The following NXF1 variants were observed in gnomAD, a reference collection of about 807,000 sequenced individuals.
NXF1 encodes nuclear RNA export factor 1.
A neutral mutation model predicts 92.4 loss-of-function variants in NXF1; 43 were observed. The ratio of observed to expected loss-of-function variants is 0.47; its 90% confidence interval spans 0.36 to 0.60. NXF1 has a LOEUF of 0.60. NXF1 is among the 20% of genes least tolerant of loss of function. The probability of loss-of-function intolerance (pLI) is 0.00; values close to 1 mark genes in which losing one functional copy is unlikely to be tolerated. For synonymous variants in NXF1, 288 were observed against 292.2 expected (o/e 0.99, Z 0.15); for missense variants, 576 against 793.0 (o/e 0.73, Z 3.29).
At chr11:62,800,103 T>C (rs2084462327) in intron 10 of NXF1, 2 of 1,297,382 alleles carry the variant, frequency 1.5e-6, no homozygotes, top group Non-Finnish European at 2.0e-6. Flanking sequence ...AACAACAGGG[T>C]AGGGAGATTC....
intron 10 of NXF1, chr11:62,799,627 G>A: frequency 1.0e-6 from 1 of 985,704 alleles, no homozygotes; most frequent in Non-Finnish European, 1.2e-6. Context: ...TGTGAGTGAG[G>A]GAGAGGCAGC....
Position 62,800,451 on chromosome 11 carries a change from C to T in NXF1, c.942G>A (p.Gly314=), listed in dbSNP as rs1354593381. 1.2e-6 allele frequency: 2 copies of T among 1,614,032 alleles called. No individual in the cohort carries two copies. Among genetic ancestry groups the T allele is most frequent in the South Asian group, 2.2e-5 (2 of 91,070 alleles). Reference sequence around the variant, plus strand: ...CGAGCCAGAGCTCTTCTAGCTTCAGCCCCTTTATCTTGTCCAATTCCCGCT... The same window carrying T: ...CGAGCCAGAGCTCTTCTAGCTTCAGTCCCTTTATCTTGTCCAATTCCCGCT... ...KSERELDKIK[G]LKLEELWLDG... is the part of the protein sequence containing the mutation. Residue 314 remains glycine (G), a synonymous_variant, in exon 10 of 21, where the codon GGG becomes GGA. Transcript: ENST00000294172.
intron 13 of NXF1, among the ~76,000 whole-genome samples, 177 bp from the exon 14 acceptor site, chr11:62,796,744 C>A (rs527431440): frequency 3.9e-5 from 6 of 152,024 alleles, no homozygotes; most frequent in Non-Finnish European, 7.4e-5. Context: ...CCAGCCTGGG[C>A]AACATGGCGA....
At position 62,805,309 on chromosome 11, in the gene NXF1, A is replaced by G; in HGVS notation, c.28+20T>C. 1 of 1,599,722 alleles carries G rather than the reference A, an allele frequency of 6.3e-7. No individual in the cohort carries two copies. On this transcript the variant is annotated intron_variant, in intron 1 of 20. Coordinates refer to ENST00000294172, the MANE Select transcript of NXF1 (RefSeq NM_006362.5). Reference sequence around the variant, plus strand: ...CCGCGCCCCAGATAGCCAGTTCCCGACCCGAAGACCAGCACTTACCGCTGT... The same window carrying G: ...CCGCGCCCCAGATAGCCAGTTCCCGGCCCGAAGACCAGCACTTACCGCTGT...
At chr11:62,805,121 G>A (rs1367424182) in intron 1 of NXF1, 2 of 406,532 alleles carry the variant, frequency 4.9e-6, no homozygotes, top group African/African-American at 2.1e-5. Flanking sequence ...CATCCGCTCC[G>A]AGCCGCAGGT....
At position 62,794,916 on chromosome 11, in the gene NXF1, C is replaced by T. The variant is rs746714258; in HGVS notation, c.1577+19G>A. ...CATGGATTAGGACTGGTATCCAATG[C>T]GAAAAGCAGAATACTTACCCTGAAT... On this transcript the variant is annotated intron_variant, in intron 18 of 20. Transcript: ENST00000294172. 1.1e-5 allele frequency: 17 copies of T among 1,612,006 alleles called. No homozygotes were observed. The East Asian group carries it at 1.3e-4, about 13-fold the overall frequency.
At chr11:62,794,914 T>C (rs566797529) in intron 18 of NXF1, 21 bp downstream of exon 18, 1 of 1,611,602 alleles carries the variant, frequency 6.2e-7, no homozygotes, top group Non-Finnish European at 8.5e-7. Context: ...TGGTATCCAA[T>C]GCGAAAAGCA....
chr11:62,792,399 G>A lies in NXF1; in HGVS notation c.*77C>T, dbSNP rs2084373869. ...GGGGCGGCCTCGGGCCAGACAGGAG[G>A]AGATGACAGACGACAACCAGACGGT... On this transcript the variant is annotated 3_prime_UTR_variant, in exon 21 of 21. Transcript: ENST00000294172. The A allele has an allele frequency of 3.2e-6, 5 of 1,571,714 alleles. No homozygotes were observed. The highest frequency in any genetic ancestry group is 3.5e-6 in the Non-Finnish European group (4 of 1,141,630).
chr11:62,793,323 C>T (rs941962464), intron 19 of NXF1, among the ~76,000 whole-genome samples: 14 of 152,234 alleles, frequency 9.2e-5, no homozygotes, highest in East Asian at 3.9e-4. Context: ...GTGATCTGGC[C>T]GCCTCAGCCT....
At chr11:62,793,347 G>T (rs1231250111) in intron 19 of NXF1, among the ~76,000 whole-genome samples, 1 of 152,158 alleles carries the variant, frequency 6.6e-6, no homozygotes, top group African/African-American at 2.4e-5. Context: ...AAAGTGCTGG[G>T]ATTACAGGTG....
intron 3 of NXF1, 42 bp from the exon 4 acceptor site, chr11:62,802,302 G>T: frequency 6.5e-7 from 1 of 1,540,008 alleles, no homozygotes. Flanking sequence ...TGATAAGTAA[G>T]GCTGAATAGC....
intron 19 of NXF1, 85 bp from the exon 20 acceptor site, chr11:62,792,786 T>G: frequency 8.1e-7 from 1 of 1,234,310 alleles, no homozygotes; most frequent in Non-Finnish European, 1.2e-6. Flanking sequence ...CACCCAAGTT[T>G]GCCAACAAAT....
chr11:62,804,654 G>A (rs997858513), intron 1 of NXF1, among the ~76,000 whole-genome samples: 35 of 152,054 alleles, frequency 2.3e-4, no homozygotes, highest in African/African-American at 8.0e-4. Flanking sequence ...ATGACCCTAG[G>A]AAAAAAGAAC....
At chr11:62,804,315 G>T in intron 1 of NXF1, 1 of 802,896 alleles carries the variant, frequency 1.2e-6, no homozygotes, top group Non-Finnish European at 1.8e-6. Flanking sequence ...TCAGTACTTT[G>T]TCTATACAGT....
chr11:62,798,710 G>A (rs2084447182), intron 10 of NXF1, 135 bp from the exon 11 acceptor site: 1 of 1,479,636 alleles, frequency 6.8e-7, no homozygotes, highest in Admixed American at 2.6e-5. Flanking sequence ...CCCAGCCTGT[G>A]CTCAGGGAAA....
chr11:62,793,043 A>G (rs2084382232), intron 19 of NXF1, among the ~76,000 whole-genome samples: 1 of 151,556 alleles, frequency 6.6e-6, no homozygotes, highest in Non-Finnish European at 1.5e-5. Context: ...TACACAGGCA[A>G]ATTTTTTATA....
Position 62,792,427 on chromosome 11 carries a change from T to C in NXF1, c.*49A>G, listed in dbSNP as rs367889111. 52 of 1,609,342 alleles carry C rather than the reference T, an allele frequency of 3.2e-5. No homozygotes were observed. Among genetic ancestry groups the C allele is most frequent in the Non-Finnish European group, 4.1e-5 (48 of 1,175,776 alleles). ...ATGACAGACGACAACCAGACGGTAA[T>C]ATCCAAGGACTATTTACAGGGGGGA... On this transcript the variant is annotated 3_prime_UTR_variant, in exon 21 of 21. Coordinates refer to ENST00000294172, the MANE Select transcript of NXF1 (RefSeq NM_006362.5).
rs775116482 is a variant in NXF1, at chr11:62,803,811, C to T, written c.196G>A (p.Asp66Asn). ...DGDVAMSDAQ[D>N]GPRVRYNPYT... ...ACTCACTATCGTACTCGGGGACCAT[C>T]CTGGGCATCACTCATTGCCACATCT... is the stretch of plus-strand genomic sequence containing the variant. Residue 66 changes from aspartate to asparagine, a missense_variant, in exon 2 of 21, where the codon GAT (aspartate) becomes AAT (asparagine). Transcript: ENST00000294172. The T allele has an allele frequency of 1.2e-6, 2 of 1,613,946 alleles. No homozygotes were observed. Among genetic ancestry groups the T allele is most frequent in the Admixed American group, 3.3e-5 (2 of 60,008 alleles).
chr11:62,805,229 G>A, intron 1 of NXF1, 100 bp downstream of exon 1: 1 of 1,199,166 alleles, frequency 8.3e-7, no homozygotes, highest in Non-Finnish European at 1.1e-6. Context: ...CGCGGACGCC[G>A]GGCCCCTAGC....
Sources: gnomAD v4.1 joint callset for allele counts (sites outside exome capture counted in the v4.1 genomes callset) on GRCh38, gnomAD v4.1.1 for gene constraint, MANE v1.5 for transcripts, NCBI Gene and HGNC (gene_info 2026-07-23, HGNC 2026-07-21) for gene names.